The following MIEF1 variants were observed in gnomAD, a reference collection of about 807,000 sequenced individuals.
MIEF1 encodes mitochondrial dynamics protein MIEF1.
In MIEF1, 14 loss-of-function variants were observed where a neutral mutation model predicts 35.1. That is an observed-to-expected ratio of 0.40 (90% CI 0.26 to 0.62). The LOEUF is 0.62. MIEF1 is among the 20% of genes least tolerant of loss of function. MIEF1 has a pLI of 0.43. For missense variants in MIEF1, 542 were observed against 615.4 expected, an observed-to-expected ratio of 0.88 and a Z score of 1.26; for synonymous variants, 245 against 254.3, an observed-to-expected ratio of 0.96 and a Z score of 0.35.
At chr22:39,513,194 G>C (rs183713856) in intron 5 of MIEF1, among the ~76,000 whole-genome samples, 137 of 151,510 alleles carry the variant, frequency 9.0e-4, no homozygotes, top group African/African-American at 3.2e-3. Context: ...TCCGCCTCCT[G>C]GGTTCAAGCA....
rs73420242 is a variant in MIEF1 at position 39,515,035 on chromosome 22, T to G, written c.*712T>G. The stretch of plus-strand genomic sequence containing the variant: ...TGCAAAGTTATTTGCAGGTTGAATT[T>G]CTTGGTGGCTATTAGCAGAAGTGCA... On this transcript the variant is annotated 3_prime_UTR_variant, in exon 6 of 6. Coordinates refer to ENST00000325301, the MANE Select transcript of MIEF1 (RefSeq NM_019008.6). The G allele has an allele frequency of 2.7e-4, 151 of 563,080 alleles. 1 individual carries two copies. In the African/African-American group the frequency reaches 2.8e-3, roughly 10 times the overall value. 34.9% of individuals were successfully genotyped at this position (563,080 alleles called of 1,614,324 possible). A position where few individuals can be genotyped will look rare whatever the true frequency, so the allele number is the denominator to read the frequency against.
intron 2 of MIEF1, chr22:39,509,337 G>A (rs1930217482): frequency 1.3e-5 from 2 of 152,206 alleles, no homozygotes; most frequent in Non-Finnish European, 2.9e-5. Flanking sequence ...CTGGTGTGAA[G>A]GACACGGGAT....
At chr22:39,502,661 G>T (rs981618392) in intron 1 of MIEF1, among the ~76,000 whole-genome samples, 1 of 152,218 alleles carries the variant, frequency 6.6e-6, no homozygotes, top group Non-Finnish European at 1.5e-5. Flanking sequence ...AAGCAGGCCT[G>T]CCCTGGCCTC....
chr22:39,507,322 T>G (rs1459329458), intron 2 of MIEF1, among the ~76,000 whole-genome samples: 1 of 151,970 alleles, frequency 6.6e-6, no homozygotes, highest in Non-Finnish European at 1.5e-5. Flanking sequence ...CTTGGCTCAC[T>G]GCAACCTCTG....
Position 39,514,542 on chromosome 22 carries a change from GC to G in MIEF1, c.*224del. 5.2e-6 allele frequency: 3 copies of G among 575,752 alleles called. No homozygotes were observed. The highest frequency in any genetic ancestry group is 9.2e-6 in the Non-Finnish European group (3 of 326,608). The allele number at this position is 575,752 out of a possible 1,614,324, so 35.7% of individuals were successfully genotyped here. A position where few individuals can be genotyped will look rare whatever the true frequency, so the allele number is the denominator to read the frequency against. On this transcript the variant is annotated 3_prime_UTR_variant, in exon 6 of 6. Coordinates refer to ENST00000325301, the MANE Select transcript of MIEF1 (RefSeq NM_019008.6). Reference sequence around the variant, plus strand: ...GTTACCAATCACTGTGCTCTCTGCCGCCCCCTGGCTCCAGGCTAATTTTTCT... The same window carrying G: ...GTTACCAATCACTGTGCTCTCTGCCGCCCCTGGCTCCAGGCTAATTTTTCT...
intron 2 of MIEF1, among the ~76,000 whole-genome samples, chr22:39,505,210 G>C (rs1471633282): frequency 6.6e-6 from 1 of 151,960 alleles, no homozygotes; most frequent in Non-Finnish European, 1.5e-5. Context: ...AAAAAGAGAC[G>C]GGGTCTCGCT....
chr22:39,514,402 C>A lies in MIEF1; in HGVS notation c.*79C>A. ...GATACACTTGGCTACCTAGTTGGTGCCTCACAGGGTTCCTGCTGCCTGGTG... is the reference window on the plus strand; with the variant it reads ...GATACACTTGGCTACCTAGTTGGTGACTCACAGGGTTCCTGCTGCCTGGTG... On this transcript the variant is annotated 3_prime_UTR_variant, in exon 6 of 6. Transcript: ENST00000325301. 1 of 1,445,864 alleles carries A rather than the reference C, an allele frequency of 6.9e-7. No individual in the cohort carries two copies. The highest frequency in any genetic ancestry group is 9.5e-7 in the Non-Finnish European group (1 of 1,049,222). The allele number at this position is 1,445,864 out of a possible 1,614,324, so 89.6% of individuals were successfully genotyped here.
In MIEF1 at chr22:39,514,635, C is replaced by T; in HGVS notation, c.*312C>T. 1 of 399,740 alleles carries T rather than the reference C, an allele frequency of 2.5e-6. No homozygotes were observed. Among genetic ancestry groups the T allele is most frequent in the Non-Finnish European group, 4.6e-6 (1 of 218,948 alleles). 24.8% of individuals were successfully genotyped at this position (399,740 alleles called of 1,614,324 possible). A position where few individuals can be genotyped will look rare whatever the true frequency, so the allele number is the denominator to read the frequency against. ...ACCACTTGGTGTTTTGCGTTTTGGC[C>T]CATGTTTGCTGCCTCTATCTGGTCT... is the stretch of plus-strand genomic sequence containing the variant. On this transcript the variant is annotated 3_prime_UTR_variant, in exon 6 of 6. Coordinates refer to ENST00000325301, the MANE Select transcript of MIEF1 (RefSeq NM_019008.6).
intron 2 of MIEF1, among the ~76,000 whole-genome samples, chr22:39,508,029 TAAAAG>T (rs1030259942): frequency 2.0e-4 from 31 of 152,310 alleles, no homozygotes; most frequent in African/African-American, 7.2e-4. Flanking sequence ...ATGGAAATCT[TAAAAG>T]ACTAGAGGAG....
chr22:39,516,263 C>T lies in MIEF1; in HGVS notation c.*1940C>T, dbSNP rs1690212900. On this transcript the variant is annotated 3_prime_UTR_variant, in exon 6 of 6. Coordinates refer to ENST00000325301, the MANE Select transcript of MIEF1 (RefSeq NM_019008.6). ...GGTTCCTGTGTACCCACTGGGTATCCGTTAGAGGTAAGGGAGAGGAGAGGA... is the reference window on the plus strand; with the variant it reads ...GGTTCCTGTGTACCCACTGGGTATCTGTTAGAGGTAAGGGAGAGGAGAGGA... The T allele has an allele frequency of 1.3e-5, 2 of 151,916 alleles. No individual in the cohort carries two copies. The highest frequency in any genetic ancestry group is 1.9e-4 in the East Asian group (1 of 5,182). The allele number at this position is 151,916 out of a possible 1,614,324, so 9.4% of individuals were successfully genotyped here.
rs145503030 is a variant in MIEF1 at position 39,507,453 on chromosome 22, G to T, written c.-8+2919G>T. ...GTAGAGACAGAGGTTCACCGTGTTA[G>T]CCAGGATGGTCTCGATCTCCTGACC... On this transcript the variant is annotated intron_variant, in intron 2 of 5. Transcript: ENST00000325301. Among the ~76,000 whole-genome samples, 134 of 151,958 alleles carry T rather than the reference G, an allele frequency of 8.8e-4. 2 individuals are homozygous for T. In the East Asian group the frequency reaches 0.024, roughly 28 times the overall value.
rs1225746491 is a variant in MIEF1 at position 39,517,914 on chromosome 22, G to C, written c.*3591G>C. 8.8e-6 allele frequency: 2 copies of C among 227,464 alleles called. No homozygotes were observed. Among genetic ancestry groups the C allele is most frequent in the East Asian group, 2.7e-4 (2 of 7,546 alleles). The allele number at this position is 227,464 out of a possible 1,614,324, so 14.1% of individuals were successfully genotyped here. A position where few individuals can be genotyped will look rare whatever the true frequency, so the allele number is the denominator to read the frequency against. On this transcript the variant is annotated 3_prime_UTR_variant, in exon 6 of 6. Coordinates refer to ENST00000325301, the MANE Select transcript of MIEF1 (RefSeq NM_019008.6). ...TCCACAACTTGCCTTCTAGTCACTT[G>C]CCTGCCCGCAGTGGTGGTGGATGTG...
chr22:39,514,612 C>T lies in MIEF1; in HGVS notation c.*289C>T. On this transcript the variant is annotated 3_prime_UTR_variant, in exon 6 of 6. Transcript: ENST00000325301. ...GGCGTGCTGGCCTGAGCTGATGGAC[C>T]ACTTGGTGTTTTGCGTTTTGGCCCA... The T allele has an allele frequency of 2.2e-6, 1 of 446,944 alleles. No individual in the cohort carries two copies. Among genetic ancestry groups the T allele is most frequent in the Non-Finnish European group, 4.0e-6 (1 of 247,320 alleles). The allele number at this position is 446,944 out of a possible 1,614,324, so 27.7% of individuals were successfully genotyped here.
In MIEF1 at chr22:39,512,511, C is replaced by G. The variant is rs2232089; in HGVS notation, c.585+17C>G. ...GACCTGCAGGTAACAAGGTGGTTCT[C>G]ATGGTGGGTGGGGTTTGAGTGCTGA... On this transcript the variant is annotated intron_variant, in intron 5 of 5. Transcript: ENST00000325301. 722 of 1,597,326 alleles carry G rather than the reference C, an allele frequency of 4.5e-4. 5 individuals are homozygous for G. In the African/African-American group the frequency reaches 8.7e-3, roughly 19 times the overall value.
intron 3 of MIEF1, 85 bp downstream of exon 3, chr22:39,511,523 C>T (rs1027317665): frequency 2.2e-5 from 32 of 1,439,728 alleles, no homozygotes; most frequent in African/African-American, 2.9e-5. Context: ...AATGTCGAAG[C>T]GTTCTAGGAG....
At chr22:39,505,240 A>G (rs1167056542) in intron 2 of MIEF1, among the ~76,000 whole-genome samples, 2 of 149,908 alleles carry the variant, frequency 1.3e-5, no homozygotes, top group African/African-American at 4.9e-5. Flanking sequence ...CCTGGAGTAC[A>G]GTGGCATGAT....
chr22:39,516,002 A>G lies in MIEF1; in HGVS notation c.*1679A>G, dbSNP rs945643919. ...GAGAACTAGGGTTAACCTTGACTAT[A>G]TTTAGAGGTCTTTTTGCCTCTTTTC... On this transcript the variant is annotated 3_prime_UTR_variant, in exon 6 of 6. Coordinates refer to ENST00000325301, the MANE Select transcript of MIEF1 (RefSeq NM_019008.6). 2 of 152,254 alleles carry G rather than the reference A, an allele frequency of 1.3e-5. No homozygotes were observed. Among genetic ancestry groups the G allele is most frequent in the Non-Finnish European group, 2.9e-5 (2 of 68,104 alleles). The allele number at this position is 152,254 out of a possible 1,614,324, so 9.4% of individuals were successfully genotyped here.
rs530855299 is a variant in MIEF1, at chr22:39,507,847, A to G, written c.-8+3313A>G. Among the ~76,000 whole-genome samples the G allele has an allele frequency of 2.6e-5, 4 of 152,100 alleles. No homozygotes were observed. In the East Asian group the frequency reaches 7.9e-4, roughly 30 times the overall value. On this transcript the variant is annotated intron_variant, in intron 2 of 5. Coordinates refer to ENST00000325301, the MANE Select transcript of MIEF1 (RefSeq NM_019008.6). ...CCCACTATACTCCAGCCTGGGTGACAGAGTGATACTCAGTCTCAAAAAAAA... is the reference window on the plus strand; with the variant it reads ...CCCACTATACTCCAGCCTGGGTGACGGAGTGATACTCAGTCTCAAAAAAAA...
At chr22:39,503,358 A>C (rs151063157) in intron 1 of MIEF1, 1 of 152,230 alleles carries the variant, frequency 6.6e-6, no homozygotes. Context: ...CACGTTGTAT[A>C]TAGTGCAATA....
Sources: gnomAD v4.1 joint callset for allele counts (sites outside exome capture counted in the v4.1 genomes callset) on GRCh38, gnomAD v4.1.1 for gene constraint, MANE v1.5 for transcripts, NCBI Gene and HGNC (gene_info 2026-07-23, HGNC 2026-07-21) for gene names.